The following CC2D1A variants were observed in gnomAD, a reference collection of about 807,000 sequenced individuals.
CC2D1A encodes coiled-coil and C2 domain containing 1A.
Under a neutral mutation model 123.8 loss-of-function variants are expected in CC2D1A, and 68 were observed. The observed-to-expected ratio is 0.55, with a 90% CI of 0.45 to 0.67. The LOEUF is 0.67. Among genes scored for constraint, CC2D1A ranks in the 30% least tolerant of loss-of-function variants. The pLI, the probability that CC2D1A is intolerant of heterozygous loss-of-function variation, is 0.00. For missense variants in CC2D1A, 1,185 were observed against 1,290.3 expected, an observed-to-expected ratio of 0.92 and a Z score of 1.25; for synonymous variants, 477 against 528.0, an observed-to-expected ratio of 0.90 and a Z score of 1.32.
intron 14 of CC2D1A, among the ~76,000 whole-genome samples, chr19:13,922,117 T>G (rs1190012397): frequency 6.6e-6 from 1 of 152,232 alleles, no homozygotes; most frequent in East Asian, 1.9e-4. Flanking sequence ...TTCTCCTGCC[T>G]TAGCCTCCCG....
chr19:13,923,544 C>G lies in CC2D1A; in HGVS notation c.1765-4C>G, dbSNP rs1971484931. ...CCTCGACTCACTGCCTTCTGTTTCC[C>G]CAGATGTGCCTGAACCACTCAAACC... On this transcript the variant is annotated splice_polypyrimidine_tract_variant and splice_region_variant and intron_variant, in intron 15 of 28. Coordinates refer to ENST00000318003, the MANE Select transcript of CC2D1A (RefSeq NM_017721.5). The surrounding 1 kb of genome is among the most constrained non-coding windows in gnomAD (Gnocchi z 5.3). 5 of 1,614,180 alleles carry G rather than the reference C, an allele frequency of 3.1e-6. No homozygotes were observed. The highest frequency in any genetic ancestry group is 3.4e-6 in the Non-Finnish European group (4 of 1,180,032).
At chr19:13,919,723 T>A in intron 11 of CC2D1A, 95 bp from the exon 12 acceptor site, 4 of 1,296,996 alleles carry the variant, frequency 3.1e-6, no homozygotes, top group African/African-American at 1.5e-5. Flanking sequence ...GGCCCAAGAC[T>A]CTATAGGTGG....
At position 13,923,415 on chromosome 19, in the gene CC2D1A, G is replaced by A. The variant is rs760191095; in HGVS notation, c.1724G>A (p.Arg575His). 22 of 1,613,570 alleles carry A rather than the reference G, an allele frequency of 1.4e-5. No homozygotes were observed. The highest frequency in any genetic ancestry group is 6.7e-5 in the Admixed American group (4 of 59,988). ...GPGLSQEAAR[R>H]YGELTKLIRQ... ...GGTCTGTCTCAGGAGGCCGCCCGGC[G>A]CTATGGTGAACTCACCAAGCTCATA... The change falls in exon 15 of 29, where the codon CGC (arginine) becomes CAC (histidine). Residue 575 changes from arginine to histidine, a missense_variant. Coordinates refer to ENST00000318003, the MANE Select transcript of CC2D1A (RefSeq NM_017721.5). The surrounding 1 kb of genome is among the most constrained non-coding windows in gnomAD (Gnocchi z 5.3).
At position 13,906,502 on chromosome 19, in the gene CC2D1A, G is replaced by T; in HGVS notation, c.60+1G>T. ...CAGAGGCGCCGCGGCCGCCCGCCAG[G>T]TGAGTTTGCGCCCCACGGCCCGACC... On this transcript the variant is annotated splice_donor_variant, in intron 1 of 28. Transcript: ENST00000318003. LOFTEE classifies it high-confidence loss of function. The surrounding 1 kb of genome is among the most constrained non-coding windows in gnomAD (Gnocchi z 4.1). 1 of 1,488,426 alleles carries T rather than the reference G, an allele frequency of 6.7e-7. No individual in the cohort carries two copies. The highest frequency in any genetic ancestry group is 8.9e-7 in the Non-Finnish European group (1 of 1,123,106). 92.2% of individuals were successfully genotyped at this position (1,488,426 alleles called of 1,614,324 possible). A position where few individuals can be genotyped will look rare whatever the true frequency, so the allele number is the denominator to read the frequency against.
chr19:13,923,829 C>T lies in CC2D1A; in HGVS notation c.1940+18C>T, dbSNP rs765435604. ...GTCATCAAGTAAGGCTCCTGATCTA[C>T]GCCCCACCACGTGGCCCCAGTGGCC... is the stretch of plus-strand genomic sequence containing the variant. On this transcript the variant is annotated intron_variant, in intron 17 of 28. Coordinates refer to ENST00000318003, the MANE Select transcript of CC2D1A (RefSeq NM_017721.5). The surrounding 1 kb of genome is among the most constrained non-coding windows in gnomAD (Gnocchi z 5.3). The T allele has an allele frequency of 1.3e-5, 21 of 1,578,282 alleles. No individual in the cohort carries two copies. The highest frequency in any genetic ancestry group is 5.0e-5 in the Admixed American group (3 of 59,870).
chr19:13,917,573 G>A (rs899992377), intron 6 of CC2D1A, among the ~76,000 whole-genome samples: 2 of 152,130 alleles, frequency 1.3e-5, no homozygotes, highest in Admixed American at 6.6e-5. Context: ...GTGAAACCCC[G>A]TCTCTACTAA....
intron 6 of CC2D1A, among the ~76,000 whole-genome samples, chr19:13,915,835 G>C (rs527553763): frequency 6.6e-6 from 1 of 151,908 alleles, no homozygotes; most frequent in African/African-American, 2.4e-5. Flanking sequence ...TCTAAAAAAA[G>C]AAAAAACAGA....
At chr19:13,914,787 C>T (rs1393799172) in intron 6 of CC2D1A, among the ~76,000 whole-genome samples, 1 of 152,186 alleles carries the variant, frequency 6.6e-6, no homozygotes, top group Non-Finnish European at 1.5e-5. Context: ...AGGCATATGC[C>T]ACCGTGCCCC....
In CC2D1A at chr19:13,906,358, C is replaced by A; in HGVS notation, c.-84C>A. Reference sequence around the variant, plus strand: ...CGAGGAGTGCAGGACTCAGGAAGGGCGAGTGCGCGGCGACAGAGCCCGGGG... The same window carrying A: ...CGAGGAGTGCAGGACTCAGGAAGGGAGAGTGCGCGGCGACAGAGCCCGGGG... On this transcript the variant is annotated 5_prime_UTR_variant, in exon 1 of 29. Transcript: ENST00000318003. This position sits in a 1 kb window ranked among gnomAD's most constrained non-coding sequence, Gnocchi z 4.1. The A allele has an allele frequency of 8.6e-7, 1 of 1,157,520 alleles. No individual in the cohort carries two copies. Among genetic ancestry groups the A allele is most frequent in the Non-Finnish European group, 1.2e-6 (1 of 844,316 alleles). The allele number at this position is 1,157,520 out of a possible 1,614,324, so 71.7% of individuals were successfully genotyped here.
In CC2D1A at chr19:13,923,330, CA is replaced by C; in HGVS notation, c.1642-2del. On this transcript the variant is annotated splice_acceptor_variant, in intron 14 of 28. Coordinates refer to ENST00000318003, the MANE Select transcript of CC2D1A (RefSeq NM_017721.5). LOFTEE classifies it high-confidence loss of function. The surrounding 1 kb of genome is among the most constrained non-coding windows in gnomAD (Gnocchi z 5.3). ...CCCCCGCCACCAGCCTCGTCCTCCCCAGGTGCCGCCTGCCCCTGTCAACAAG... is the reference window on the plus strand; with the variant it reads ...CCCCCGCCACCAGCCTCGTCCTCCCCGGTGCCGCCTGCCCCTGTCAACAAG... 1 of 1,603,988 alleles carries C rather than the reference CA, an allele frequency of 6.2e-7. No individual in the cohort carries two copies. Among genetic ancestry groups the C allele is most frequent in the Non-Finnish European group, 8.5e-7 (1 of 1,178,692 alleles).
chr19:13,923,442 G>T lies in CC2D1A; in HGVS notation c.1751G>T (p.Arg584Leu). 10 of 1,614,044 alleles carry T rather than the reference G, an allele frequency of 6.2e-6. No homozygotes were observed. The highest frequency in any genetic ancestry group is 8.5e-6 in the Non-Finnish European group (10 of 1,180,006). The change falls in exon 15 of 29, where the codon CGG (arginine) becomes CTG (leucine). Residue 584 changes from arginine (R) to leucine (L), a missense_variant. By Grantham distance (102) the Arg-to-Leu change is moderately radical. Transcript: ENST00000318003. This position sits in a 1 kb window ranked among gnomAD's most constrained non-coding sequence, Gnocchi z 5.3. The part of the protein sequence containing the change: ...RRYGELTKLI[R>L]QQHEMCLNHS... ...TATGGTGAACTCACCAAGCTCATAC[G>T]GCAGCAGCACGAGGTGAGGGGGAGG...
In CC2D1A at chr19:13,912,525, C is replaced by T; in HGVS notation, c.313-3C>T. The T allele has an allele frequency of 6.8e-6, 11 of 1,614,136 alleles. No individual in the cohort carries two copies. The highest frequency in any genetic ancestry group is 1.7e-4 in the Middle Eastern group (1 of 6,060). ...ATCCTGCCCTGGCTGTGTGTCCCTG[C>T]AGGCGGAGCTAAATGAGGTCCTTGG... is the stretch of plus-strand genomic sequence containing the variant. On this transcript the variant is annotated splice_region_variant and splice_polypyrimidine_tract_variant and intron_variant, in intron 3 of 28. Transcript: ENST00000318003.
chr19:13,927,409 C>T (rs2145369338), intron 22 of CC2D1A, 144 bp downstream of exon 22: 1 of 664,318 alleles, frequency 1.5e-6, no homozygotes, highest in Non-Finnish European at 2.7e-6. Context: ...CCCTACTGCC[C>T]AGCCCTAAAT....
rs1177996771 is a variant in CC2D1A at position 13,906,225 on chromosome 19, C to A, written c.-217C>A. ...TGTAGTTTCGGCTCGGCAGACCCGG[C>A]GAGCCCAGTGGCCGCGCTCCGGTGC... On this transcript the variant is annotated 5_prime_UTR_variant, in exon 1 of 29. Transcript: ENST00000318003. This position sits in a 1 kb window ranked among gnomAD's most constrained non-coding sequence, Gnocchi z 4.1. 4.5e-6 allele frequency: 2 copies of A among 441,418 alleles called. No homozygotes were observed. The highest frequency in any genetic ancestry group is 3.6e-5 in the East Asian group (1 of 27,634). 27.3% of individuals were successfully genotyped at this position (441,418 alleles called of 1,614,324 possible).
intron 17 of CC2D1A, among the ~76,000 whole-genome samples, chr19:13,924,168 CTTTATT>C (rs994551746): frequency 8.5e-5 from 13 of 152,128 alleles, no homozygotes; most frequent in Non-Finnish European, 1.6e-4. Flanking sequence ...GTTTTCTCCA[CTTTATT>C]TTTATTTTTA....
intron 25 of CC2D1A, 37 bp downstream of exon 25, chr19:13,929,479 C>G: frequency 1.2e-6 from 2 of 1,612,766 alleles, no homozygotes; most frequent in South Asian, 2.2e-5. Flanking sequence ...TGGGGCAGGA[C>G]TGGGGAGTCT....
rs147591141 is a variant in CC2D1A, at chr19:13,909,982, G to C, written c.196+24G>C. On this transcript the variant is annotated intron_variant, in intron 2 of 28. Coordinates refer to ENST00000318003, the MANE Select transcript of CC2D1A (RefSeq NM_017721.5). ...AGGTGAGATGGTTAACACACCCTCA[G>C]AACATTTTCTGATCTCCTGCAAGTG... The C allele has an allele frequency of 2.0e-3, 2,995 of 1,501,596 alleles. 15 individuals carry two copies. Among genetic ancestry groups the C allele is most frequent in the Middle Eastern group, 0.012 (69 of 5,532 alleles). The allele number at this position is 1,501,596 out of a possible 1,614,324, so 93.0% of individuals were successfully genotyped here.
intron 14 of CC2D1A, among the ~76,000 whole-genome samples, chr19:13,922,248 T>C (rs1383397236): frequency 6.6e-6 from 1 of 152,142 alleles, no homozygotes; most frequent in African/African-American, 2.4e-5. Context: ...GCAATCCACC[T>C]GCCTCGACCT....
In CC2D1A at chr19:13,930,523, C is replaced by T. The variant is rs532580512; in HGVS notation, c.*128C>T. 70 of 1,137,434 alleles carry T rather than the reference C, an allele frequency of 6.2e-5. 1 individual carries two copies. The highest frequency in any genetic ancestry group is 7.6e-5 in the Non-Finnish European group (63 of 825,126). The allele number at this position is 1,137,434 out of a possible 1,614,324, so 70.5% of individuals were successfully genotyped here. ...ATCGGTTCTGGACTCACCCCTCATCCGGGCCCCCAGCCCCGCCAGAGCCTC... is the reference window on the plus strand; with the variant it reads ...ATCGGTTCTGGACTCACCCCTCATCTGGGCCCCCAGCCCCGCCAGAGCCTC... On this transcript the variant is annotated 3_prime_UTR_variant, in exon 29 of 29. Transcript: ENST00000318003. This position sits in a 1 kb window ranked among gnomAD's most constrained non-coding sequence, Gnocchi z 6.8.
Sources: allele counts gnomAD v4.1 joint callset (sites outside exome capture counted in the v4.1 genomes callset), GRCh38; gene constraint gnomAD v4.1.1; non-coding constraint Gnocchi (gnomAD v3.1); transcripts MANE v1.5; gene names NCBI Gene and HGNC (gene_info 2026-07-23, HGNC 2026-07-21).